The following PITPNC1 variants were observed in gnomAD, a reference collection of about 807,000 sequenced individuals.
PITPNC1 encodes cytoplasmic phosphatidylinositol transfer protein 1.
A neutral mutation model predicts 44.7 loss-of-function variants in PITPNC1; 18 were observed. The observed-to-expected ratio is 0.40, with a 90% CI of 0.28 to 0.60. The LOEUF is 0.60. Among genes scored for constraint, PITPNC1 ranks in the 20% least tolerant of loss-of-function variants. The probability of loss-of-function intolerance (pLI) is 0.39; values close to 1 mark genes in which losing one functional copy is unlikely to be tolerated. For synonymous variants in PITPNC1, 141 were observed against 149.6 expected (o/e 0.94, Z 0.42); for missense variants, 290 against 418.4 (o/e 0.69, Z 2.68).
In PITPNC1 at chr17:67,599,015, TATATATATATATATATATA is replaced by T. The variant is rs1338113877; in HGVS notation, c.366+20759_366+20777del. Among the ~76,000 whole-genome samples, 30 of 36,374 alleles carry T rather than the reference TATATATATATATATATATA, an allele frequency of 8.2e-4. 1 individual carries two copies. Among genetic ancestry groups the T allele is most frequent in the East Asian group, 2.6e-3 (5 of 1,938 alleles). The allele number at this position is 36,374 out of a possible 152,430, so 23.9% of individuals were successfully genotyped here. A position where few individuals can be genotyped will look rare whatever the true frequency, so the allele number is the denominator to read the frequency against. On this transcript the variant is annotated intron_variant, in intron 5 of 8. Transcript: ENST00000581322. ...TATAAGAAATACATATATATATATA[TATATATATATATATATATA>T]TTTTTTTTTTTTTTTTTTTTACCAT...
chr17:67,399,420 C>T (rs1173083245), intron 1 of PITPNC1, among the ~76,000 whole-genome samples: 1 of 152,126 alleles, frequency 6.6e-6, no homozygotes, highest in Admixed American at 6.6e-5. Context: ...CTTCTTGAAC[C>T]ACTACTGCAC....
intron 8 of PITPNC1, among the ~76,000 whole-genome samples, chr17:67,682,013 C>T (rs148795721): frequency 8.9e-4 from 136 of 152,136 alleles, no homozygotes; most frequent in Middle Eastern, 3.4e-3. Context: ...GCCTGGACAA[C>T]ATGGTGAAAC....
At chr17:67,453,193 T>A (rs1472010592) in intron 1 of PITPNC1, among the ~76,000 whole-genome samples, 4 of 152,158 alleles carry the variant, frequency 2.6e-5, no homozygotes, top group Non-Finnish European at 5.9e-5. Context: ...AGTGGCCAAT[T>A]TTCAAATATT....
At position 67,696,239 on chromosome 17, in the gene PITPNC1, CTG is replaced by C. The variant is rs796367785; in HGVS notation, c.*3353_*3354del. ...GTAACTGTGGTTTTCTTTCAAGACA[CTG>C]TAATAAACAGTGAACTAAGAGAATA... On this transcript the variant is annotated 3_prime_UTR_variant, in exon 9 of 9. Transcript: ENST00000581322. 262 of 152,274 alleles carry C rather than the reference CTG, an allele frequency of 1.7e-3. No individual in the cohort carries two copies. The highest frequency in any genetic ancestry group is 5.8e-3 in the African/African-American group (242 of 41,516). 9.4% of individuals were successfully genotyped at this position (152,274 alleles called of 1,614,324 possible).
At chr17:67,575,765 C>CTTTA (rs1242496544) in intron 4 of PITPNC1, among the ~76,000 whole-genome samples, 1 of 37,318 alleles carries the variant, frequency 2.7e-5, no homozygotes, top group Non-Finnish European at 6.6e-5. Context: ...AAGAATTTGC[C>CTTTA]TTTCTTTCTT....
chr17:67,660,857 A>G (rs2537838), intron 6 of PITPNC1, among the ~76,000 whole-genome samples: 55,855 of 134,762 alleles, frequency 0.41, 13,816 homozygotes, highest in African/African-American at 0.72. Flanking sequence ...CATGAATCAC[A>G]TTCTCTTTTT....
chr17:67,530,293 G>A (rs1008042681), intron 1 of PITPNC1, among the ~76,000 whole-genome samples: 3 of 151,658 alleles, frequency 2.0e-5, no homozygotes, highest in South Asian at 2.1e-4. Flanking sequence ...GGGATTCACC[G>A]TGATCGCCAG....
At chr17:67,674,903 T>C (rs2042575648) in intron 7 of PITPNC1, among the ~76,000 whole-genome samples, 1 of 151,946 alleles carries the variant, frequency 6.6e-6, no homozygotes, top group African/African-American at 2.4e-5. Context: ...TCCCAGCTAC[T>C]TGTGAGGCTG....
intron 6 of PITPNC1, among the ~76,000 whole-genome samples, chr17:67,640,570 C>T (rs933876345): frequency 6.6e-6 from 1 of 151,286 alleles, no homozygotes; most frequent in Non-Finnish European, 1.5e-5. Context: ...ATCCCAGCTA[C>T]TCAGGAGGCT....
At chr17:67,549,564 C>T (rs958105336) in intron 2 of PITPNC1, among the ~76,000 whole-genome samples, 2 of 152,088 alleles carry the variant, frequency 1.3e-5, no homozygotes, top group Non-Finnish European at 2.9e-5. Flanking sequence ...GAAAAAGTCT[C>T]GACTTGGATG....
In PITPNC1 at chr17:67,399,642, C is replaced by G. The variant is rs151074163; in HGVS notation, c.48+21440C>G. Among the ~76,000 whole-genome samples the G allele has an allele frequency of 5.5e-3, 843 of 152,276 alleles. 10 individuals carry two copies. The highest frequency in any genetic ancestry group is 0.02 in the African/African-American group (819 of 41,566). ...GAATGTGCATTAAAATGATGTATAA[C>G]ATAACCACATTTATTTAAGAATGTA... On this transcript the variant is annotated intron_variant, in intron 1 of 8. Transcript: ENST00000581322.
At chr17:67,495,359 C>G (rs2039939056) in intron 1 of PITPNC1, among the ~76,000 whole-genome samples, 1 of 152,078 alleles carries the variant, frequency 6.6e-6, no homozygotes, top group African/African-American at 2.4e-5. Flanking sequence ...CGCCCGGCCT[C>G]TGAGCCACGG....
chr17:67,403,744 T>C (rs1463436432), intron 1 of PITPNC1, among the ~76,000 whole-genome samples: 2 of 152,122 alleles, frequency 1.3e-5, no homozygotes, highest in Admixed American at 1.3e-4. Flanking sequence ...GGGCTTGGAC[T>C]GGCGTTATGT....
intron 2 of PITPNC1, among the ~76,000 whole-genome samples, chr17:67,548,073 C>G (rs754605285): frequency 2.0e-5 from 3 of 152,040 alleles, no homozygotes; most frequent in Non-Finnish European, 4.4e-5. Context: ...TTGAGACAAC[C>G]GAAAATGTCC....
chr17:67,581,013 C>T (rs2041224636), intron 5 of PITPNC1, among the ~76,000 whole-genome samples: 1 of 152,212 alleles, frequency 6.6e-6, no homozygotes, highest in Non-Finnish European at 1.5e-5. Context: ...TGCACCTCTA[C>T]ACTCCAGCTT....
chr17:67,483,014 C>T (rs1416087884), intron 1 of PITPNC1, among the ~76,000 whole-genome samples: 2 of 152,148 alleles, frequency 1.3e-5, no homozygotes, highest in Non-Finnish European at 2.9e-5. Flanking sequence ...TTGGTAGTCA[C>T]CCACCTTGCT....
intron 5 of PITPNC1, among the ~76,000 whole-genome samples, chr17:67,616,012 T>C (rs1196510072): frequency 1.3e-5 from 2 of 152,196 alleles, no homozygotes; most frequent in Admixed American, 6.5e-5. Flanking sequence ...GCAGCTGCCC[T>C]GGGAACTGTA....
chr17:67,439,263 AT>A (rs1238854849), intron 1 of PITPNC1, among the ~76,000 whole-genome samples: 2 of 152,170 alleles, frequency 1.3e-5, no homozygotes, highest in Non-Finnish European at 2.9e-5. Flanking sequence ...CAAGCACTGT[AT>A]TTAGTTAATA....
At chr17:67,416,202 G>GTTTTT (rs2038586038) in intron 1 of PITPNC1, among the ~76,000 whole-genome samples, 2 of 64,350 alleles carry the variant, frequency 3.1e-5, no homozygotes, top group Admixed American at 1.7e-4. Flanking sequence ...TACATGTATT[G>GTTTTT]CTTTTTTTTT....
Sources: gnomAD v4.1 joint callset for allele counts (sites outside exome capture counted in the v4.1 genomes callset) on GRCh38, gnomAD v4.1.1 for gene constraint, MANE v1.5 for transcripts, NCBI Gene and HGNC (gene_info 2026-07-23, HGNC 2026-07-21) for gene names.